The following NPHS1 variants were observed in gnomAD, a reference collection of about 807,000 sequenced individuals.
NPHS1 encodes the protein nephrin.
In NPHS1, 107 loss-of-function variants were observed where a neutral mutation model predicts 139.7. That is an observed-to-expected ratio of 0.77 (90% CI 0.66 to 0.90). The LOEUF is 0.90. Among genes scored for constraint, NPHS1 ranks in the 40% least tolerant of loss-of-function variants. NPHS1 has a pLI of 0.00. For missense variants in NPHS1, 1,580 were observed against 1,654.2 expected, an observed-to-expected ratio of 0.96 and a Z score of 0.78; for synonymous variants, 707 against 706.6, an observed-to-expected ratio of 1.00 and a Z score of -0.01.
rs748700521 is a variant in NPHS1 at position 35,844,220 on chromosome 19, G to T, written c.2095C>A (p.Leu699Met). 6.2e-6 allele frequency: 10 copies of T among 1,612,912 alleles called. No homozygotes were observed. In the Admixed American group the frequency reaches 1.5e-4, roughly 24 times the overall value. ...CACAGATGCAGAGCCCCGCTGGACAGGATGCGATGCCGGGGGCCGCCCGCT... is the reference window on the plus strand; with the variant it reads ...CACAGATGCAGAGCCCCGCTGGACATGATGCGATGCCGGGGGCCGCCCGCT... The part of the protein sequence containing the change: ...SPAGGPRHRI[L>M]SSGALHLWNV... Residue 699 changes from leucine (L) to methionine (M), a missense_variant, in exon 16 of 29, where the codon CTG becomes ATG. Leu to Met is a conservative substitution (Grantham distance 15). Transcript: ENST00000378910.
rs1324117011 is a variant in NPHS1, at chr19:35,848,701, C to T, written c.1106G>A (p.Arg369Gln). The change falls in exon 9 of 29, where the codon CGG (arginine) becomes CAG (glutamine). Residue 369 changes from arginine (R) to glutamine (Q), a missense_variant. Physicochemically the swap from Arg to Gln is conservative, Grantham distance 43. Transcript: ENST00000378910. ...GCCCAGCCACCATCGTAGCAGAACC[C>T]GCGGGCGACTGGACTTGCTGACACA... ...LSCVSKSSRP[R>Q]VLLRWWLGWR... 9 of 1,614,018 alleles carry T rather than the reference C, an allele frequency of 5.6e-6. No individual in the cohort carries two copies. The highest frequency in any genetic ancestry group is 4.4e-5 in the South Asian group (4 of 91,070).
At chr19:35,828,442 T>C (rs1223190069) in intron 28 of NPHS1, among the ~76,000 whole-genome samples, 1 of 152,126 alleles carries the variant, frequency 6.6e-6, no homozygotes, top group African/African-American at 2.4e-5. Context: ...CTTTTTGTAT[T>C]TTTAGTAGAG....
At chr19:35,828,455 G>C (rs894114678) in intron 28 of NPHS1, among the ~76,000 whole-genome samples, 1 of 152,016 alleles carries the variant, frequency 6.6e-6, no homozygotes, top group African/African-American at 2.4e-5. Flanking sequence ...TAGTAGAGAC[G>C]GGGTTTCACC....
At chr19:35,835,433 G>A (rs1035340084) in intron 23 of NPHS1, among the ~76,000 whole-genome samples, 1 of 150,896 alleles carries the variant, frequency 6.6e-6, no homozygotes, top group Non-Finnish European at 1.5e-5. Context: ...CTGAGTAGTT[G>A]GGACTACAGG....
chr19:35,833,009 C>T (rs1362296725), intron 23 of NPHS1, among the ~76,000 whole-genome samples: 9 of 150,946 alleles, frequency 6.0e-5, no homozygotes, highest in Admixed American at 5.9e-4. Flanking sequence ...CTCAGCCTCC[C>T]AAGTAGCTGG....
Position 35,851,620 on chromosome 19 carries a change from C to A in NPHS1, c.111G>T (p.Leu37=). 1.9e-6 allele frequency: 3 copies of A among 1,614,028 alleles called. No individual in the cohort carries two copies. The highest frequency in any genetic ancestry group is 2.5e-6 in the Non-Finnish European group (3 of 1,179,996). ...CCTCCACCACCGTCAGGTTTTCAGG[C>A]AGGGCCCAGAAGCCCCGGGGAACGG... The part of the protein sequence containing the change: ...PASVPRGFWA[L]PENLTVVEGA... Residue 37 remains leucine (L), a synonymous_variant, in exon 2 of 29, where the codon CTG becomes CTT. Transcript: ENST00000378910.
chr19:35,851,796 C>A lies in NPHS1; in HGVS notation c.42G>T (p.Leu14=), dbSNP rs2146833432. Reference sequence around the variant, plus strand: ...CCCACTCACCTTCAGTCAGCAGCCCCAGGAGCAGGAGAGAAGCCCTGAGCG... The same window carrying A: ...CCCACTCACCTTCAGTCAGCAGCCCAAGGAGCAGGAGAGAAGCCCTGAGCG... The part of the protein sequence containing the change: ...GTTLRASLLL[L]GLLTEGLAQL... The change falls in exon 1 of 29, where the codon CTG becomes CTT. Residue 14 remains leucine, a synonymous_variant. Transcript: ENST00000378910. 2 of 1,553,328 alleles carry A rather than the reference C, an allele frequency of 1.3e-6. No individual in the cohort carries two copies. Among genetic ancestry groups the A allele is most frequent in the African/African-American group, 1.4e-5 (1 of 73,288 alleles).
intron 28 of NPHS1, among the ~76,000 whole-genome samples, chr19:35,830,117 A>G (rs1044403868): frequency 2.6e-5 from 4 of 152,198 alleles, no homozygotes; most frequent in Non-Finnish European, 4.4e-5. Flanking sequence ...TTAAAAATTC[A>G]TGTCTACTTC....
At position 35,830,919 on chromosome 19, in the gene NPHS1, C is replaced by T; in HGVS notation, c.3519G>A (p.Gly1173=). ...TGEDEDMAFP[G]HLYDEVERTY... ...TTCTTTCTACCTCATCATACAAGTG[C>T]CCAGGGAAGGCCATATCCTCATCTT... Residue 1173 remains glycine, a synonymous_variant, in exon 28 of 29, where the codon GGG becomes GGA. Transcript: ENST00000378910. 1 of 1,613,970 alleles carries T rather than the reference C, an allele frequency of 6.2e-7. No homozygotes were observed. Among genetic ancestry groups the T allele is most frequent in the Non-Finnish European group, 8.5e-7 (1 of 1,179,866 alleles).
At chr19:35,843,719 T>A in intron 16 of NPHS1, 126 bp from the exon 17 acceptor site, 1 of 1,234,658 alleles carries the variant, frequency 8.1e-7, no homozygotes, top group Non-Finnish European at 1.1e-6. Flanking sequence ...CAATCTGCCC[T>A]TAATACCAAA....
rs1279128450 is a variant in NPHS1 at position 35,846,009 on chromosome 19, C to G, written c.1626G>C (p.Gln542His). The change falls in exon 12 of 29, where the codon CAG becomes CAC. Residue 542 changes from glutamine to histidine, a missense_variant and splice_region_variant. Physicochemically the swap from Gln to His is conservative, Grantham distance 24. Coordinates refer to ENST00000378910, the MANE Select transcript of NPHS1 (RefSeq NM_004646.4). ...QLSASTQLAV[Q>H]FPPTNVTILA... The stretch of plus-strand genomic sequence containing the variant: ...GGCCTCAGCAGTGCGAGCCCTCACA[C>G]TGCACCGCCAGCTGCGTGGACGCGC... The G allele has an allele frequency of 6.3e-7, 1 of 1,575,744 alleles. No homozygotes were observed. Among genetic ancestry groups the G allele is most frequent in the Non-Finnish European group, 8.6e-7 (1 of 1,160,982 alleles).
chr19:35,830,089 A>G (rs1277853501), intron 28 of NPHS1, among the ~76,000 whole-genome samples: 1 of 152,230 alleles, frequency 6.6e-6, no homozygotes, highest in Non-Finnish European at 1.5e-5. Flanking sequence ...CCAGTGGAGT[A>G]GATATGGCTA....
At chr19:35,842,322 A>T (rs1318792607) in intron 18 of NPHS1, 42 bp from the exon 19 acceptor site, 1 of 1,612,604 alleles carries the variant, frequency 6.2e-7, no homozygotes, top group South Asian at 1.1e-5. Context: ...TGTGGGAGAC[A>T]TGAGGGCTGT....
intron 28 of NPHS1, among the ~76,000 whole-genome samples, chr19:35,828,455 G>A (rs894114678): frequency 6.6e-5 from 10 of 152,134 alleles, no homozygotes; most frequent in South Asian, 2.1e-4. Context: ...TAGTAGAGAC[G>A]GGGTTTCACC....
intron 20 of NPHS1, 104 bp from the exon 21 acceptor site, chr19:35,839,711 C>T: frequency 1.1e-6 from 1 of 889,132 alleles, no homozygotes; most frequent in Non-Finnish European, 1.8e-6. Context: ...AATCGCTTCT[C>T]ATTGTTCATA....
chr19:35,826,681 G>A, intron 28 of NPHS1, 36 bp from the exon 29 acceptor site: 1 of 1,613,184 alleles, frequency 6.2e-7, no homozygotes, highest in Non-Finnish European at 8.5e-7. Flanking sequence ...ACCATGGAGA[G>A]ATGCCCTGTA....
chr19:35,827,711 G>A (rs1972816405), intron 28 of NPHS1, among the ~76,000 whole-genome samples: 1 of 152,172 alleles, frequency 6.6e-6, no homozygotes, highest in Admixed American at 6.5e-5. Context: ...TTGAGATCAG[G>A]ATTCGAGACC....
chr19:35,839,589 G>A lies in NPHS1; in HGVS notation c.2834C>T (p.Ser945Leu). ...LVSISRPDPP[S>L]GLKVVSLTPH... ...GGTCAGACTCACAACCTTTAATCCT[G>A]ATGGAGGGTCAGGGCGGCCTATGGG... Residue 945 changes from serine to leucine, a missense_variant, in exon 21 of 29, where the codon TCA becomes TTA. Physicochemically the swap from Ser to Leu is moderately radical, Grantham distance 145. Transcript: ENST00000378910. The A allele has an allele frequency of 6.2e-7, 1 of 1,614,162 alleles. No homozygotes were observed. The highest frequency in any genetic ancestry group is 8.5e-7 in the Non-Finnish European group (1 of 1,179,998).
In NPHS1 at chr19:35,831,633, C is replaced by T. The variant is rs1362245213; in HGVS notation, c.3286+10G>A. 1.9e-6 allele frequency: 3 copies of T among 1,613,384 alleles called. No homozygotes were observed. The highest frequency in any genetic ancestry group is 2.2e-5 in the South Asian group (2 of 91,056). ...GGTCTCCACCCTGGCAGGGAAGGGTCTCTCCTCACCCTCAGCAAGACGCCT... is the reference window on the plus strand; with the variant it reads ...GGTCTCCACCCTGGCAGGGAAGGGTTTCTCCTCACCCTCAGCAAGACGCCT... On this transcript the variant is annotated intron_variant, in intron 24 of 28. Coordinates refer to ENST00000378910, the MANE Select transcript of NPHS1 (RefSeq NM_004646.4).
Sources: gnomAD v4.1 joint callset for allele counts (sites outside exome capture counted in the v4.1 genomes callset) on GRCh38, gnomAD v4.1.1 for gene constraint, MANE v1.5 for transcripts, NCBI Gene and HGNC (gene_info 2026-07-23, HGNC 2026-07-21) for gene names.